FHIP2A: variants seen among roughly 807,000 people sequenced by gnomAD.
FHIP2A encodes the protein family with sequence similarity 160 member B1.
In FHIP2A, 46 loss-of-function variants were observed where a neutral mutation model predicts 93.5. That is an observed-to-expected ratio of 0.49 (90% CI 0.39 to 0.63). FHIP2A has a LOEUF of 0.63. FHIP2A is among the 20% of genes least tolerant of loss of function. The pLI is 0.00. For synonymous variants in FHIP2A, 332 were observed against 326.5 expected, an observed-to-expected ratio of 1.02 and a Z score of -0.18; for missense variants, 769 against 909.7, an observed-to-expected ratio of 0.85 and a Z score of 1.99.
At chr10:114,824,097 T>C (rs2083559517) in intron 1 of FHIP2A, among the ~76,000 whole-genome samples, 1 of 152,202 alleles carries the variant, frequency 6.6e-6, no homozygotes, top group Non-Finnish European at 1.5e-5. Context: ...CAGGTATGCA[T>C]AGGTTATATG....
At chr10:114,875,086 G>A (rs774384508) in intron 16 of FHIP2A, among the ~76,000 whole-genome samples, 38 of 152,246 alleles carry the variant, frequency 2.5e-4, no homozygotes, top group African/African-American at 7.5e-4. Flanking sequence ...ATGAGGCGCC[G>A]CTAAGTGCTG....
chr10:114,843,504 A>T (rs1214350146), intron 6 of FHIP2A, among the ~76,000 whole-genome samples: 4 of 151,980 alleles, frequency 2.6e-5, no homozygotes, highest in African/African-American at 4.8e-5. Context: ...GGGTTTCACC[A>T]TGTTGACCAG....
chr10:114,850,812 A>G (rs1357241895), intron 13 of FHIP2A, among the ~76,000 whole-genome samples: 2 of 152,216 alleles, frequency 1.3e-5, no homozygotes, highest in African/African-American at 4.8e-5. Context: ...TATCAGATAC[A>G]TTATTTACAA....
chr10:114,887,635 C>A (rs903382488), intron 16 of FHIP2A, among the ~76,000 whole-genome samples: 1 of 152,198 alleles, frequency 6.6e-6, no homozygotes, highest in Non-Finnish European at 1.5e-5. Flanking sequence ...AATGTTAGTT[C>A]CGTTCCTCTC....
chr10:114,841,870 C>T (rs371344405), intron 5 of FHIP2A, among the ~76,000 whole-genome samples: 1 of 152,100 alleles, frequency 6.6e-6, no homozygotes, highest in Non-Finnish European at 1.5e-5. Context: ...CTGATTTCTG[C>T]TCTTATGTTC....
intron 13 of FHIP2A, among the ~76,000 whole-genome samples, chr10:114,854,140 T>TG (rs1377068980): frequency 2.6e-5 from 4 of 151,738 alleles, no homozygotes; most frequent in African/African-American, 9.7e-5. Flanking sequence ...GACCAGGGTT[T>TG]TTTTTTTTTT....
chr10:114,862,546 A>T lies in FHIP2A; in HGVS notation c.*1006A>T, dbSNP rs2083806700. ...CAGTCTTTTGTTTTAAATGATTCTA[A>T]AGAGATTAAAGAAAACAGAGTTTTA... On this transcript the variant is annotated 3_prime_UTR_variant, in exon 17 of 17. Coordinates refer to ENST00000369248, the MANE Select transcript of FHIP2A (RefSeq NM_020940.4). 1.0e-6 allele frequency: 1 copy of T among 987,290 alleles called. No individual in the cohort carries two copies. Among genetic ancestry groups the T allele is most frequent in the African/African-American group, 1.7e-5 (1 of 57,282 alleles). The allele number at this position is 987,290 out of a possible 1,614,324, so 61.2% of individuals were successfully genotyped here.
chr10:114,841,554 A>G (rs905861655), intron 5 of FHIP2A, among the ~76,000 whole-genome samples: 1 of 152,146 alleles, frequency 6.6e-6, no homozygotes, highest in Admixed American at 6.5e-5. Context: ...AGCCTCTCAA[A>G]GTGCTGGGAT....
intron 16 of FHIP2A, among the ~76,000 whole-genome samples, chr10:114,874,293 A>G (rs926227846): frequency 3.9e-5 from 6 of 152,184 alleles, no homozygotes; most frequent in Admixed American, 2.0e-4. Context: ...ATCACATCCT[A>G]ACAGGTTAAA....
chr10:114,868,241 C>G (rs1382168844), downstream of FHIP2A, among the ~76,000 whole-genome samples: 1 of 152,198 alleles, frequency 6.6e-6, no homozygotes, highest in East Asian at 1.9e-4. Context: ...AACTGGGCTG[C>G]ATAGCAGGAG....
rs987287960 is a variant in FHIP2A at position 114,821,873 on chromosome 10, G to C, written c.-206G>C. 1 of 284,548 alleles carries C rather than the reference G, an allele frequency of 3.5e-6. No homozygotes were observed. Among genetic ancestry groups the C allele is most frequent in the African/African-American group, 2.2e-5 (1 of 44,748 alleles). The allele number at this position is 284,548 out of a possible 1,614,324, so 17.6% of individuals were successfully genotyped here. On this transcript the variant is annotated 5_prime_UTR_variant, in exon 1 of 17. Coordinates refer to ENST00000369248, the MANE Select transcript of FHIP2A (RefSeq NM_020940.4). ...GAACGCCCTCCTCGCCGCCCGCCGCGTCCCGGCGCCCTCCGGAGCCGCCGA... is the reference window on the plus strand; with the variant it reads ...GAACGCCCTCCTCGCCGCCCGCCGCCTCCCGGCGCCCTCCGGAGCCGCCGA...
At chr10:114,896,496 C>T (rs1159757563) in intron 16 of FHIP2A, among the ~76,000 whole-genome samples, 1 of 152,192 alleles carries the variant, frequency 6.6e-6, no homozygotes. Flanking sequence ...TTAGGGCCCA[C>T]AGGCCTCCCA....
At chr10:114,864,798 C>A, downstream of FHIP2A, 2 of 636,938 alleles carry the variant, frequency 3.1e-6, no homozygotes, top group Non-Finnish European at 3.9e-6. Flanking sequence ...TTTTTGCACC[C>A]CCAGCACACA....
intron 16 of FHIP2A, among the ~76,000 whole-genome samples, chr10:114,880,808 A>G (rs1349693595): frequency 6.6e-6 from 1 of 152,164 alleles, no homozygotes; most frequent in Non-Finnish European, 1.5e-5. Context: ...GCTGTAGGGC[A>G]TGAGACAGGC....
chr10:114,880,729 C>G (rs779228272), intron 16 of FHIP2A, among the ~76,000 whole-genome samples: 1 of 135,394 alleles, frequency 7.4e-6, no homozygotes, highest in Non-Finnish European at 1.6e-5. Context: ...GGGCCCCTTC[C>G]TAGGAATTCA....
intron 16 of FHIP2A, among the ~76,000 whole-genome samples, chr10:114,879,906 A>G (rs1592032484): frequency 6.6e-6 from 1 of 152,188 alleles, no homozygotes; most frequent in African/African-American, 2.4e-5. Context: ...GGATTTTCCC[A>G]CTTCAGCCTC....
At chr10:114,885,650 C>T (rs2083939336) in intron 16 of FHIP2A, among the ~76,000 whole-genome samples, 1 of 152,198 alleles carries the variant, frequency 6.6e-6, no homozygotes, top group Non-Finnish European at 1.5e-5. Flanking sequence ...ATTTGCTTTG[C>T]TCATCTTTCC....
In FHIP2A at chr10:114,875,790, A is replaced by G. The variant is rs182875817; in HGVS notation, c.2192+14456A>G. ...AGAGAAAAGAGAGAGAGAAAGAAAT[A>G]GAAAGAAAAAGAACAGAAAGAAAGG... On this transcript the variant is annotated intron_variant, in intron 16 of 16. Transcript: ENST00000369250. Among the ~76,000 whole-genome samples the G allele has an allele frequency of 9.3e-5, 14 of 149,936 alleles. No individual in the cohort carries two copies. The East Asian group carries it at 2.7e-3, about 29-fold the overall frequency.
At position 114,824,884 on chromosome 10, in the gene FHIP2A, A is replaced by C. The variant is rs74158067; in HGVS notation, c.45+2761A>C. Among the ~76,000 whole-genome samples, 1,200 of 152,346 alleles carry C rather than the reference A, an allele frequency of 7.9e-3. 10 individuals carry two copies. The highest frequency in any genetic ancestry group is 0.028 in the African/African-American group (1,144 of 41,576). On this transcript the variant is annotated intron_variant, in intron 1 of 16. Coordinates refer to ENST00000369248, the MANE Select transcript of FHIP2A (RefSeq NM_020940.4). ...TTATACAGAGACAGAAAATACCTGGATGCTGACATGAGCTTTTTTCATTAT... is the reference window on the plus strand; with the variant it reads ...TTATACAGAGACAGAAAATACCTGGCTGCTGACATGAGCTTTTTTCATTAT...
Sources: allele counts gnomAD v4.1 joint callset (sites outside exome capture counted in the v4.1 genomes callset), GRCh38; gene constraint gnomAD v4.1.1; transcripts MANE v1.5; gene names NCBI Gene and HGNC (gene_info 2026-07-23, HGNC 2026-07-21).